The following MYH13 variants were observed in gnomAD, a reference collection of about 807,000 sequenced individuals.
MYH13 encodes the protein myosin heavy chain 13.
MYH13 carries 177 observed loss-of-function variants against 232.1 expected under a neutral mutation model. The observed-to-expected ratio is 0.76, with a 90% confidence interval of 0.67 to 0.86. The LOEUF (loss-of-function observed/expected upper bound fraction) is 0.86. Among genes scored for constraint, MYH13 ranks in the 40% least tolerant of loss-of-function variants. The pLI, the probability that MYH13 is intolerant of heterozygous loss-of-function variation, is 0.00. For synonymous variants in MYH13, 884 were observed against 923.5 expected, an observed-to-expected ratio of 0.96 and a Z score of 0.78; for missense variants, 2,246 against 2,405.9, an observed-to-expected ratio of 0.93 and a Z score of 1.39.
chr17:10,312,794 G>A (rs1469756133), intron 30 of MYH13, 37 bp from the exon 31 acceptor site: 2 of 1,581,394 alleles, frequency 1.3e-6, no homozygotes, highest in Admixed American at 1.8e-5. Context: ...CCTTCGCAAA[G>A]GTGGAATATT....
chr17:10,320,340 G>T lies in MYH13; in HGVS notation c.3257+11C>A. 6.2e-7 allele frequency: 1 copy of T among 1,610,970 alleles called. No individual in the cohort carries two copies. The highest frequency in any genetic ancestry group is 8.5e-7 in the Non-Finnish European group (1 of 1,178,496). On this transcript the variant is annotated intron_variant, in intron 25 of 40. Transcript: ENST00000252172. ...AGGCTGAGACACAGAGGTGGTAAAAGAAATATCTACTTTTTCAATTTCTCT... is the reference window on the plus strand; with the variant it reads ...AGGCTGAGACACAGAGGTGGTAAAATAAATATCTACTTTTTCAATTTCTCT...
At chr17:10,302,710 G>A (rs1906136714) in intron 39 of MYH13, among the ~76,000 whole-genome samples, 1 of 152,114 alleles carries the variant, frequency 6.6e-6, no homozygotes, top group Admixed American at 6.5e-5. Flanking sequence ...TGATCAAAGG[G>A]TGGATGAAAA....
intron 16 of MYH13, among the ~76,000 whole-genome samples, chr17:10,341,782 G>A (rs2071621569): frequency 6.6e-6 from 1 of 152,204 alleles, no homozygotes; most frequent in Non-Finnish European, 1.5e-5. Context: ...CAGAGACATT[G>A]TGATTAGATT....
intron 19 of MYH13, among the ~76,000 whole-genome samples, chr17:10,332,678 T>A (rs896487530): frequency 2.6e-5 from 4 of 152,150 alleles, no homozygotes; most frequent in African/African-American, 9.7e-5. Flanking sequence ...GATTTGGCAA[T>A]GTCTAGAGAG....
chr17:10,357,402 G>A (rs745955645), intron 8 of MYH13, among the ~76,000 whole-genome samples: 1 of 152,160 alleles, frequency 6.6e-6, no homozygotes, highest in African/African-American at 2.4e-5. Context: ...CTTAATGGAC[G>A]TTAACATTTT....
At chr17:10,352,957 C>T (rs1213152063) in intron 11 of MYH13, among the ~76,000 whole-genome samples, 1 of 152,128 alleles carries the variant, frequency 6.6e-6, no homozygotes, top group African/African-American at 2.4e-5. Context: ...AGCTGAGCTT[C>T]AGCCAATCAC....
intron 11 of MYH13, 180 bp from the exon 12 acceptor site, chr17:10,350,874 T>A: frequency 2.6e-6 from 2 of 769,820 alleles, no homozygotes; most frequent in Non-Finnish European, 4.4e-6. Context: ...TTTGTGTGGG[T>A]GGGTGAAGAC....
intron 7 of MYH13, 109 bp from the exon 8 acceptor site, chr17:10,357,936 A>C (rs1390555894): frequency 1.1e-6 from 1 of 878,350 alleles, no homozygotes; most frequent in Non-Finnish European, 1.8e-6. Flanking sequence ...AGAGATGTCG[A>C]CCAGCTCCAC....
chr17:10,303,129 C>T (rs1906153882), intron 39 of MYH13, 67 bp downstream of exon 39: 12 of 1,424,878 alleles, frequency 8.4e-6, no homozygotes, highest in South Asian at 2.4e-5. Context: ...ACCAGGATGG[C>T]GGGGACACCC....
At position 10,321,821 on chromosome 17, in the gene MYH13, A is replaced by G. The variant is rs2142233763; in HGVS notation, c.2935-113T>C. 13 of 968,796 alleles carry G rather than the reference A, an allele frequency of 1.3e-5. No individual in the cohort carries two copies. The South Asian group carries it at 2.0e-4, about 15-fold the overall frequency. 60.0% of individuals were successfully genotyped at this position (968,796 alleles called of 1,614,324 possible). A position where few individuals can be genotyped will look rare whatever the true frequency, so the allele number is the denominator to read the frequency against. ...TCCTTTTTCCCTTTTCTTTTTGGCT[A>G]CTACTTTTTTACCTCCTAGAATTGA... On this transcript the variant is annotated intron_variant, in intron 23 of 40. Transcript: ENST00000252172.
intron 11 of MYH13, 155 bp from the exon 12 acceptor site, chr17:10,350,849 C>T (rs2071704365): frequency 1.1e-6 from 1 of 947,094 alleles, no homozygotes; most frequent in Non-Finnish European, 1.6e-6. Flanking sequence ...AATTAGAAAC[C>T]ATTTGTTTCA....
chr17:10,358,593 A>G (rs1397640855), intron 7 of MYH13, among the ~76,000 whole-genome samples: 1 of 151,946 alleles, frequency 6.6e-6, no homozygotes, highest in Non-Finnish European at 1.5e-5. Flanking sequence ...CTCCATCTCT[A>G]CAAAAAATTA....
intron 37 of MYH13, among the ~76,000 whole-genome samples, chr17:10,305,442 T>C (rs1425355921): frequency 1.3e-5 from 2 of 152,238 alleles, no homozygotes; most frequent in Non-Finnish European, 1.5e-5. Flanking sequence ...CCTTGTTGTT[T>C]TTAGCACCTC....
intron 23 of MYH13, among the ~76,000 whole-genome samples, chr17:10,323,764 CAAAAAAAAAAAAAAA>C (rs756659634): frequency 1.1e-5 from 1 of 90,264 alleles, no homozygotes; most frequent in African/African-American, 4.7e-5. Flanking sequence ...CTCCATCTCA[CAAAAAAAAAAAAAAA>C]AAAAAAAAAA....
At chr17:10,345,395 A>G (rs117011183) in intron 14 of MYH13, 23 bp from the exon 15 acceptor site, 17,407 of 1,614,204 alleles carry the variant, frequency 0.011, 149 homozygotes, top group Non-Finnish European at 0.013. Flanking sequence ...AATACCAAAG[A>G]ATTTGAGTGA....
chr17:10,357,335 T>C (rs9895142), intron 8 of MYH13, among the ~76,000 whole-genome samples: 1 of 152,146 alleles, frequency 6.6e-6, no homozygotes, highest in Non-Finnish European at 1.5e-5. Context: ...TTGGAAGAGG[T>C]CAAATCTGCT....
At chr17:10,315,293 G>GTTTC (rs1031749914) in intron 29 of MYH13, among the ~76,000 whole-genome samples, 2 of 152,052 alleles carry the variant, frequency 1.3e-5, no homozygotes, top group South Asian at 2.1e-4. Context: ...GAAGCAACAG[G>GTTTC]TTTCTTTCTT....
intron 2 of MYH13, among the ~76,000 whole-genome samples, chr17:10,369,991 T>A (rs1050755328): frequency 1.3e-5 from 2 of 152,228 alleles, no homozygotes; most frequent in Admixed American, 1.3e-4. Context: ...CTTTATCTTC[T>A]CCATGCTAAA....
At position 10,340,257 on chromosome 17, in the gene MYH13, A is replaced by ATT. The variant is rs780600535; in HGVS notation, c.1969-21_1969-20insAA. 6.2e-7 allele frequency: 1 copy of ATT among 1,613,624 alleles called. No individual in the cohort carries two copies. The highest frequency in any genetic ancestry group is 1.3e-5 in the African/African-American group (1 of 74,898). ...ATTTTCCTGGGACATAAACCAAAAC[A>ATT]AGCACATTTAGCAACTGCCATTTCA... On this transcript the variant is annotated intron_variant, in intron 17 of 40. Transcript: ENST00000252172.
Sources: gnomAD v4.1 joint callset for allele counts (sites outside exome capture counted in the v4.1 genomes callset) on GRCh38, gnomAD v4.1.1 for gene constraint, MANE v1.5 for transcripts, NCBI Gene and HGNC (gene_info 2026-07-23, HGNC 2026-07-21) for gene names.